Variants in RGL1 observed in about 807,000 individuals in gnomAD.
RGL1 encodes the protein ral guanine nucleotide dissociation stimulator like 1, also known as ral guanine nucleotide dissociation stimulator-like 1.
A neutral mutation model predicts 95.2 loss-of-function variants in RGL1; 24 were observed. That is an observed-to-expected ratio of 0.25 (90% CI 0.18 to 0.35). RGL1 has a LOEUF of 0.35. Ranked by LOEUF, RGL1 falls within the 10% of genes least tolerant of loss-of-function variation. The probability of loss-of-function intolerance (pLI) is 1.00; values close to 1 mark genes in which losing one functional copy is unlikely to be tolerated. For missense variants in RGL1, 715 were observed against 936.3 expected, an observed-to-expected ratio of 0.76 and a Z score of 3.08; for synonymous variants, 329 against 344.9, an observed-to-expected ratio of 0.95 and a Z score of 0.51.
At chr1:183,855,814 A>AT (rs2102562113) in intron 3 of RGL1, among the ~76,000 whole-genome samples, 1 of 152,206 alleles carries the variant, frequency 6.6e-6, no homozygotes, top group East Asian at 1.9e-4. Flanking sequence ...TCATAATTTG[A>AT]TTTTTTTCTA....
chr1:183,926,429 C>T lies in RGL1; in HGVS notation c.*137C>T. On this transcript the variant is annotated 3_prime_UTR_variant, in exon 18 of 18. Coordinates refer to ENST00000360851, the MANE Select transcript of RGL1 (RefSeq NM_001297671.3). ...ATATTTATTGAGTTCCTGTGGTGTG[C>T]AAAGCATTATGATAGGCACCGTGGG... 1 of 650,914 alleles carries T rather than the reference C, an allele frequency of 1.5e-6. No homozygotes were observed. Among genetic ancestry groups the T allele is most frequent in the Non-Finnish European group, 2.5e-6 (1 of 400,526 alleles). The allele number at this position is 650,914 out of a possible 1,614,324, so 40.3% of individuals were successfully genotyped here.
chr1:183,770,110 G>T (rs1309950894), intron 2 of RGL1, among the ~76,000 whole-genome samples: 1 of 152,164 alleles, frequency 6.6e-6, no homozygotes, highest in African/African-American at 2.4e-5. Flanking sequence ...AGCATGTCCA[G>T]ACTGAAACAG....
chr1:183,771,602 C>A (rs947789504), intron 2 of RGL1, among the ~76,000 whole-genome samples: 4 of 152,216 alleles, frequency 2.6e-5, no homozygotes, highest in Non-Finnish European at 4.4e-5. Context: ...ATCTTCTGTT[C>A]TTTAAACTCA....
chr1:183,897,186 G>A (rs1378221975), intron 9 of RGL1, among the ~76,000 whole-genome samples: 1 of 152,144 alleles, frequency 6.6e-6, no homozygotes, highest in Admixed American at 6.5e-5. Flanking sequence ...AGAATTGCCT[G>A]GCTTGTATTG....
At chr1:183,863,721 A>T (rs562116285) in intron 3 of RGL1, among the ~76,000 whole-genome samples, 3 of 152,278 alleles carry the variant, frequency 2.0e-5, no homozygotes, top group East Asian at 1.9e-4. Flanking sequence ...TTGGGTGGAG[A>T]AGAGTTAGTA....
intron 1 of RGL1, chr1:183,648,310 A>G: frequency 6.2e-7 from 1 of 1,614,218 alleles, no homozygotes; most frequent in Non-Finnish European, 8.5e-7. Context: ...TCAGTATGAT[A>G]GAGCTGAGAA....
chr1:183,871,476 G>A (rs1486861015), intron 4 of RGL1, among the ~76,000 whole-genome samples: 1 of 152,190 alleles, frequency 6.6e-6, no homozygotes, highest in Non-Finnish European at 1.5e-5. Flanking sequence ...TTGCAGACCT[G>A]GGTGGAGGAG....
intron 1 of RGL1, among the ~76,000 whole-genome samples, chr1:183,697,910 T>C (rs950712359): frequency 6.6e-6 from 1 of 152,210 alleles, no homozygotes; most frequent in African/African-American, 2.4e-5. Flanking sequence ...TTTCTCTTGG[T>C]TGGGCATCTT....
At chr1:183,719,329 C>T (rs1394142370) in intron 1 of RGL1, among the ~76,000 whole-genome samples, 8 of 152,198 alleles carry the variant, frequency 5.3e-5, no homozygotes, top group Admixed American at 5.2e-4. Flanking sequence ...GGTCTCTTCT[C>T]CTCCTTGTAG....
intron 1 of RGL1, among the ~76,000 whole-genome samples, chr1:183,663,185 T>C (rs1572242812): frequency 6.6e-6 from 1 of 151,788 alleles, no homozygotes; most frequent in African/African-American, 2.4e-5. Flanking sequence ...CCAAAAGCAA[T>C]GGCAACAAAA....
chr1:183,897,944 C>T, intron 10 of RGL1, 47 bp downstream of exon 10: 1 of 1,528,156 alleles, frequency 6.5e-7, no homozygotes, highest in Non-Finnish European at 9.1e-7. Context: ...AGGAGAAGGG[C>T]CGTGTGCGTC....
intron 11 of RGL1, among the ~76,000 whole-genome samples, chr1:183,900,463 C>T (rs779956200): frequency 6.6e-6 from 1 of 152,128 alleles, no homozygotes; most frequent in African/African-American, 2.4e-5. Context: ...TAGTAATAAT[C>T]GAAATTCAAA....
At chr1:183,671,927 A>ATT (rs562902094) in intron 1 of RGL1, among the ~76,000 whole-genome samples, 1 of 139,402 alleles carries the variant, frequency 7.2e-6, no homozygotes, top group Non-Finnish European at 1.5e-5. Flanking sequence ...CTTACCTTTG[A>ATT]TTTTTTTTTT....
In RGL1 at chr1:183,641,381, A is replaced by T. The variant is rs1262157010; in HGVS notation, c.-33+4880A>T. On this transcript the variant is annotated intron_variant, in intron 1 of 18. Transcript: ENST00000304685. Reference sequence around the variant, plus strand: ...AACTCCTGAGCACAAGCAATCTGCCAGCCTCGGCCTCTCACAGTGCTAGGA... The same window carrying T: ...AACTCCTGAGCACAAGCAATCTGCCTGCCTCGGCCTCTCACAGTGCTAGGA... Among the ~76,000 whole-genome samples, 4 of 152,068 alleles carry T rather than the reference A, an allele frequency of 2.6e-5. No individual in the cohort carries two copies. The East Asian group carries it at 7.7e-4, about 29-fold the overall frequency.
chr1:183,731,623 A>G (rs1184036014), intron 1 of RGL1, among the ~76,000 whole-genome samples: 1 of 152,208 alleles, frequency 6.6e-6, no homozygotes, highest in African/African-American at 2.4e-5. Flanking sequence ...GAAAATTTTG[A>G]AAGGCCATGA....
At chr1:183,743,117 T>C (rs866842730) in intron 2 of RGL1, among the ~76,000 whole-genome samples, 2 of 152,140 alleles carry the variant, frequency 1.3e-5, no homozygotes, top group African/African-American at 4.8e-5. Context: ...GCTCAAGTGA[T>C]CCTCCTGTCT....
intron 1 of RGL1, among the ~76,000 whole-genome samples, chr1:183,680,185 T>G (rs1297163177): frequency 6.6e-6 from 1 of 152,170 alleles, no homozygotes; most frequent in Admixed American, 6.5e-5. Flanking sequence ...ACTCCAATGA[T>G]AGTTTTTTTT....
At chr1:183,840,642 C>T (rs1053016713) in intron 2 of RGL1, among the ~76,000 whole-genome samples, 1 of 151,696 alleles carries the variant, frequency 6.6e-6, no homozygotes, top group Non-Finnish European at 1.5e-5. Flanking sequence ...GTGGGAGAAT[C>T]GCTTGAGTCC....
intron 2 of RGL1, among the ~76,000 whole-genome samples, chr1:183,826,643 T>G (rs1662882481): frequency 6.6e-6 from 1 of 152,200 alleles, no homozygotes; most frequent in Non-Finnish European, 1.5e-5. Flanking sequence ...GAATAAGCAC[T>G]TCTATTTATG....
Sources: gnomAD v4.1 joint callset for allele counts (sites outside exome capture counted in the v4.1 genomes callset) on GRCh38, gnomAD v4.1.1 for gene constraint, MANE v1.5 for transcripts, NCBI Gene and HGNC (gene_info 2026-07-23, HGNC 2026-07-21) for gene names.